The following EGFL7 variants were observed in gnomAD, a reference collection of about 807,000 sequenced individuals.
EGFL7 encodes the protein EGF like domain multiple 7.
In EGFL7, 48 loss-of-function variants were observed where a neutral mutation model predicts 37.1. The observed-to-expected ratio is 1.29, with a 90% CI of 1.03 to 1.65. The LOEUF is 1.65. Among genes scored for constraint, EGFL7 ranks in the 40% most tolerant of loss-of-function variants. EGFL7 has a pLI of 0.00. For synonymous variants in EGFL7, 180 were observed against 156.8 expected, an observed-to-expected ratio of 1.15 and a Z score of -1.10; for missense variants, 384 against 378.9, an observed-to-expected ratio of 1.01 and a Z score of -0.11.
In EGFL7 at chr9:136,672,379, G is replaced by T; in HGVS notation, c.*93G>T. 1.3e-6 allele frequency: 2 copies of T among 1,535,244 alleles called. No homozygotes were observed. Among genetic ancestry groups the T allele is most frequent in the East Asian group, 4.5e-5 (2 of 44,250 alleles). On this transcript the variant is annotated 3_prime_UTR_variant, in exon 11 of 11. Transcript: ENST00000308874. ...ATGCTGGGGGTCCAGAAACCACCTCGGGGTGACTGAGCGGAAGGCCAGGCA... is the reference window on the plus strand; with the variant it reads ...ATGCTGGGGGTCCAGAAACCACCTCTGGGTGACTGAGCGGAAGGCCAGGCA...
At position 136,672,014 on chromosome 9, in the gene EGFL7, A is replaced by G. The variant is rs753253982; in HGVS notation, c.725A>G (p.His242Arg). ...GLPDPGSLLVHSFQQLGRIDS... is the reference protein window; with the variant it reads ...GLPDPGSLLVRSFQQLGRIDS... ...CCGGACCCCGGCAGCCTCCTGGTGC[A>G]CTCCTTCCAGCAGCTCGGCCGCATC... Residue 242 changes from histidine to arginine, a missense_variant, in exon 10 of 11, where the codon CAC (histidine) becomes CGC (arginine). His to Arg is a conservative substitution (Grantham distance 29, BLOSUM62 0). Transcript: ENST00000308874. 6.5e-7 allele frequency: 1 copy of G among 1,544,224 alleles called. No homozygotes were observed. Among genetic ancestry groups the G allele is most frequent in the Non-Finnish European group, 8.7e-7 (1 of 1,146,748 alleles).
At chr9:136,662,461 T>C (rs890409822), upstream of EGFL7, among the ~76,000 whole-genome samples, 14 of 152,338 alleles carry the variant, frequency 9.2e-5, no homozygotes, top group Admixed American at 7.8e-4. Flanking sequence ...GGCTGGTCCC[T>C]GCCTTGGCCT....
At chr9:136,668,423 C>T in intron 4 of EGFL7, 61 bp downstream of exon 4, 3 of 1,523,148 alleles carry the variant, frequency 2.0e-6, no homozygotes, top group Non-Finnish European at 2.7e-6. Context: ...TCAGCACCTC[C>T]TAGAGGCGGC....
Position 136,670,972 on chromosome 9 carries a change from A to G in EGFL7, c.594A>G (p.Glu198=). ...NPTGVDSAMK[E]EVQRLQSRVD... ...CAGGAGTGGACAGTGCAATGAAGGA[A>G]GAAGTGCAGAGGCTGCAGTCCAGGG... The change falls in exon 9 of 11, where the codon GAA becomes GAG. Residue 198 remains glutamate, a synonymous_variant. Coordinates refer to ENST00000308874, the MANE Select transcript of EGFL7 (RefSeq NM_016215.5). 6.8e-7 allele frequency: 1 copy of G among 1,476,824 alleles called. No individual in the cohort carries two copies. Among genetic ancestry groups the G allele is most frequent in the Non-Finnish European group, 8.9e-7 (1 of 1,117,898 alleles). 91.5% of individuals were successfully genotyped at this position (1,476,824 alleles called of 1,614,324 possible).
At chr9:136,661,890 G>A (rs1845168218), upstream of EGFL7, among the ~76,000 whole-genome samples, 1 of 152,212 alleles carries the variant, frequency 6.6e-6, no homozygotes, top group South Asian at 2.1e-4. Context: ...GACAGGGGCT[G>A]ACCCCAAAGC....
chr9:136,664,313 C>T (rs1485770309), intron 2 of EGFL7, among the ~76,000 whole-genome samples: 1 of 152,184 alleles, frequency 6.6e-6, no homozygotes, highest in Non-Finnish European at 1.5e-5. Context: ...CCCCTCCCTT[C>T]CTCCAGCTCC....
chr9:136,671,026 G>GC lies in EGFL7; in HGVS notation c.636+12_636+13insC. 1.3e-6 allele frequency: 1 copy of GC among 759,082 alleles called. No homozygotes were observed. The allele number at this position is 759,082 out of a possible 1,614,324, so 47.0% of individuals were successfully genotyped here. On this transcript the variant is annotated intron_variant, in intron 9 of 10. Coordinates refer to ENST00000308874, the MANE Select transcript of EGFL7 (RefSeq NM_016215.5). ...ACCTGCTGGAGGAGGTGAGGCATTG[G>GC]TGGGGGGGGGGGGGGGCAGGCAGTC...
chr9:136,669,632 G>A lies in EGFL7; in HGVS notation c.224G>A (p.Arg75His), dbSNP rs759831503. The A allele has an allele frequency of 2.4e-5, 38 of 1,610,968 alleles. No individual in the cohort carries two copies. Among genetic ancestry groups the A allele is most frequent in the East Asian group, 2.0e-4 (9 of 44,818 alleles). Residue 75 changes from arginine to histidine, a missense_variant, in exon 6 of 11, where the codon CGC becomes CAC. By Grantham distance (29) the Arg-to-His change is conservative (BLOSUM62 0). Transcript: ENST00000308874. Reference protein sequence around the residue: ...YRTIYRTAYRRSPGLAPARPR... With the variant: ...YRTIYRTAYRHSPGLAPARPR... ...ACCATCTATAGGACCGCCTACCGCC[G>A]CAGCCCTGGGCTGGCCCCTGCCAGG...
chr9:136,669,888 T>G (rs1411093126), intron 6 of EGFL7, 26 bp from the exon 7 acceptor site: 1 of 1,556,152 alleles, frequency 6.4e-7, no homozygotes, highest in East Asian at 2.4e-5. Context: ...CCAACTGAGC[T>G]GGTGACCAGC....
chr9:136,669,128 A>G (rs945868719), intron 5 of EGFL7, among the ~76,000 whole-genome samples: 8 of 152,166 alleles, frequency 5.3e-5, no homozygotes, highest in African/African-American at 1.9e-4. Flanking sequence ...CTGTATGCCC[A>G]CACAAGGGGC....
rs2119112076 is a variant in EGFL7 at position 136,666,985 on chromosome 9, C to A, written c.-42-1256C>A. Among the ~76,000 whole-genome samples the A allele has an allele frequency of 6.6e-6, 1 of 152,240 alleles. No individual in the cohort carries two copies. Among genetic ancestry groups the A allele is most frequent in the Admixed American group, 6.5e-5 (1 of 15,312 alleles). On this transcript the variant is annotated intron_variant, in intron 3 of 10. Transcript: ENST00000308874. The surrounding 1 kb of genome is among the most constrained non-coding windows in gnomAD (Gnocchi z 6.8). Reference sequence around the variant, plus strand: ...CCTCTGCCTAGTTGGCAGCCTCTGCCCTGCCCTCCTCTCTCCAGCGCACAG... The same window carrying A: ...CCTCTGCCTAGTTGGCAGCCTCTGCACTGCCCTCCTCTCTCCAGCGCACAG...
intron 5 of EGFL7, among the ~76,000 whole-genome samples, chr9:136,669,020 A>G (rs942561246): frequency 4.6e-5 from 7 of 152,072 alleles, no homozygotes; most frequent in Non-Finnish European, 1.0e-4. Flanking sequence ...AAGTTCCCAT[A>G]TACACAGAAT....
intron 3 of EGFL7, among the ~76,000 whole-genome samples, chr9:136,667,343 G>C (rs1225262911): frequency 1.3e-5 from 2 of 152,216 alleles, no homozygotes; most frequent in Non-Finnish European, 2.9e-5. Context: ...AAGCACCCGT[G>C]AGAGGCCCTG....
Position 136,671,036 on chromosome 9 carries a change from G to GTA in EGFL7, c.636+22_636+23insTA, listed in dbSNP as rs746573907. 7 of 966,372 alleles carry GTA rather than the reference G, an allele frequency of 7.2e-6. No individual in the cohort carries two copies. In the African/African-American group the frequency reaches 1.5e-4, roughly 20 times the overall value. The allele number at this position is 966,372 out of a possible 1,614,324, so 59.9% of individuals were successfully genotyped here. A position where few individuals can be genotyped will look rare whatever the true frequency, so the allele number is the denominator to read the frequency against. ...GGAGGTGAGGCATTGGTGGGGGGGGGGGGGGGCAGGCAGTCCAGGGTGGAC... is the reference window on the plus strand; with the variant it reads ...GGAGGTGAGGCATTGGTGGGGGGGGGTAGGGGGGCAGGCAGTCCAGGGTGGAC... On this transcript the variant is annotated intron_variant, in intron 9 of 10. Coordinates refer to ENST00000308874, the MANE Select transcript of EGFL7 (RefSeq NM_016215.5).
chr9:136,671,540 C>CT (rs1463541100), intron 9 of EGFL7, among the ~76,000 whole-genome samples: 2 of 151,860 alleles, frequency 1.3e-5, no homozygotes, highest in African/African-American at 4.8e-5. Context: ...CCAGGACCCC[C>CT]CAGGGCCGGA....
Position 136,663,866 on chromosome 9 carries a change from T to C in EGFL7, c.-137+243T>C, listed in dbSNP as rs946043891. 7.9e-5 allele frequency among the ~76,000 whole-genome samples: 12 copies of C among 152,100 alleles called. No individual in the cohort carries two copies. In the South Asian group the frequency reaches 1.5e-3, roughly 18 times the overall value. ...CTGAGAACCCCCACTTTCCAAATGG[T>C]GCCTAGCCAGGATGGGGGCAGCGAG... On this transcript the variant is annotated intron_variant, in intron 2 of 10. Coordinates refer to ENST00000308874, the MANE Select transcript of EGFL7 (RefSeq NM_016215.5).
At position 136,672,039 on chromosome 9, in the gene EGFL7, C is replaced by T. The variant is rs557018245; in HGVS notation, c.750C>T (p.Ile250=). 6.9e-5 allele frequency: 106 copies of T among 1,545,520 alleles called. 3 individuals carry two copies. In the South Asian group the frequency reaches 1.1e-3, roughly 16 times the overall value. The change falls in exon 10 of 11, where the codon ATC becomes ATT. Residue 250 remains isoleucine, a synonymous_variant. Coordinates refer to ENST00000308874, the MANE Select transcript of EGFL7 (RefSeq NM_016215.5). ...ACTCCTTCCAGCAGCTCGGCCGCAT[C>T]GACTCCCTGAGCGAGCAGATTTCCT... The part of the protein sequence containing the change: ...LVHSFQQLGR[I]DSLSEQISFL...
chr9:136,668,611 G>T lies in EGFL7; in HGVS notation c.135G>T (p.Val45=), dbSNP rs371810712. Residue 45 remains valine, a synonymous_variant, in exon 5 of 11, where the codon GTG becomes GTT. Coordinates refer to ENST00000308874, the MANE Select transcript of EGFL7 (RefSeq NM_016215.5). ...GGGACCCTGTCTCCGAGTCGTTCGT[G>T]CAGCGTGTGTACCAGCCCTTCCTCA... The part of the protein sequence containing the change: ...AHGDPVSESF[V]QRVYQPFLTT... The T allele has an allele frequency of 3.1e-6, 5 of 1,608,130 alleles. No individual in the cohort carries two copies. The East Asian group carries it at 1.1e-4, about 36-fold the overall frequency.
At chr9:136,667,152 CTATT>C (rs1845531383) in intron 3 of EGFL7, among the ~76,000 whole-genome samples, 2 of 152,330 alleles carry the variant, frequency 1.3e-5, no homozygotes, top group Admixed American at 1.3e-4. Flanking sequence ...GACAGTGTGA[CTATT>C]TATAGGACTG....
Sources: allele counts gnomAD v4.1 joint callset (sites outside exome capture counted in the v4.1 genomes callset), GRCh38; gene constraint gnomAD v4.1.1; non-coding constraint Gnocchi (gnomAD v3.1); transcripts MANE v1.5; gene names NCBI Gene and HGNC (gene_info 2026-07-23, HGNC 2026-07-21).